TBC1D5: variants seen among roughly 807,000 people sequenced by gnomAD.
TBC1D5 encodes TBC1 domain family member 5.
In TBC1D5, 75 loss-of-function variants were observed where a neutral mutation model predicts 100.3. The ratio of observed to expected loss-of-function variants is 0.75; its 90% confidence interval spans 0.62 to 0.91. The LOEUF (loss-of-function observed/expected upper bound fraction) is 0.91, where lower values mean the gene tolerates loss of function less well. TBC1D5 is among the 40% of genes least tolerant of loss of function. The probability of loss-of-function intolerance (pLI) is 0.00; values close to 1 mark genes in which losing one functional copy is unlikely to be tolerated. For missense variants in TBC1D5, 910 were observed against 942.4 expected (o/e 0.97, Z 0.45); for synonymous variants, 323 against 325.6 (o/e 0.99, Z 0.09).
intron 2 of TBC1D5, among the ~76,000 whole-genome samples, chr3:17,564,470 A>C (rs2096581399): frequency 6.6e-6 from 1 of 152,232 alleles, no homozygotes; most frequent in Non-Finnish European, 1.5e-5. Context: ...TTTATCAAAA[A>C]GACATGTAAA....
intron 3 of TBC1D5, among the ~76,000 whole-genome samples, chr3:17,430,184 CAT>C (rs751392478): frequency 1.7e-4 from 26 of 151,792 alleles, no homozygotes; most frequent in South Asian, 6.2e-4. Flanking sequence ...TCCTACAACA[CAT>C]GTTATTTAAC....
chr3:17,311,560 C>G (rs1021105073), intron 13 of TBC1D5, among the ~76,000 whole-genome samples: 4 of 151,878 alleles, frequency 2.6e-5, no homozygotes, highest in Admixed American at 1.3e-4. Context: ...ACGGAAACAC[C>G]AAGAGAAATT....
chr3:17,649,520 C>T (rs1012623185), intron 1 of TBC1D5, among the ~76,000 whole-genome samples: 42 of 152,052 alleles, frequency 2.8e-4, no homozygotes, highest in Middle Eastern at 3.4e-3. Context: ...GATATTTATG[C>T]GGCGAACAAA....
chr3:17,676,541 AG>A (rs2068660369), intron 1 of TBC1D5, among the ~76,000 whole-genome samples: 1 of 152,228 alleles, frequency 6.6e-6, no homozygotes, highest in Non-Finnish European at 1.5e-5. Context: ...GCTCTTGGAT[AG>A]GAAGAATCAA....
intron 1 of TBC1D5, among the ~76,000 whole-genome samples, chr3:17,644,955 C>T (rs1240664573): frequency 1.3e-5 from 2 of 151,356 alleles, no homozygotes; most frequent in Non-Finnish European, 2.9e-5. Context: ...AAACAAAACA[C>T]TCTTGGTCTA....
chr3:17,360,869 A>G (rs1442742961), intron 13 of TBC1D5, among the ~76,000 whole-genome samples: 1 of 151,970 alleles, frequency 6.6e-6, no homozygotes, highest in African/African-American at 2.4e-5. Flanking sequence ...ATATGACATC[A>G]TTTGTTTTTT....
chr3:17,314,818 G>C (rs2084475843), intron 13 of TBC1D5, among the ~76,000 whole-genome samples: 1 of 152,216 alleles, frequency 6.6e-6, no homozygotes, highest in African/African-American at 2.4e-5. Flanking sequence ...CATGAGGAGA[G>C]AAAAAGCAAA....
intron 3 of TBC1D5, among the ~76,000 whole-genome samples, chr3:17,442,682 T>C (rs1411744542): frequency 3.9e-5 from 6 of 152,120 alleles, no homozygotes; most frequent in African/African-American, 1.4e-4. Flanking sequence ...AATATTAATA[T>C]CAACTACCAC....
At chr3:17,330,097 C>T (rs1241546613) in intron 13 of TBC1D5, among the ~76,000 whole-genome samples, 1 of 152,064 alleles carries the variant, frequency 6.6e-6, no homozygotes, top group Non-Finnish European at 1.5e-5. Flanking sequence ...CTTGCAGTTG[C>T]CCCATCACAT....
intron 3 of TBC1D5, among the ~76,000 whole-genome samples, chr3:17,454,861 T>C (rs950623081): frequency 2.0e-5 from 3 of 152,012 alleles, no homozygotes; most frequent in Non-Finnish European, 4.4e-5. Flanking sequence ...TAAATACTTA[T>C]GAATTAACTT....
chr3:17,732,517 A>C (rs1029565218), intron 1 of TBC1D5, among the ~76,000 whole-genome samples: 2 of 151,918 alleles, frequency 1.3e-5, no homozygotes, highest in Admixed American at 6.6e-5. Flanking sequence ...TCGGGAGTTC[A>C]AGAACAGCCT....
intron 1 of TBC1D5, among the ~76,000 whole-genome samples, chr3:17,717,993 C>CA (rs987738019): frequency 2.6e-5 from 4 of 152,088 alleles, no homozygotes; most frequent in Non-Finnish European, 4.4e-5. Flanking sequence ...GCTGAAATGA[C>CA]AAGAGTGGTT....
At position 17,214,427 on chromosome 3, in the gene TBC1D5, C is replaced by T. The variant is rs2073377133; in HGVS notation, c.1589-57G>A. The T allele has an allele frequency of 2.0e-5, 30 of 1,535,000 alleles. No individual in the cohort carries two copies. In the South Asian group the frequency reaches 2.8e-4, roughly 14 times the overall value. On this transcript the variant is annotated intron_variant, in intron 17 of 21. Coordinates refer to ENST00000253692, the Ensembl canonical transcript of TBC1D5. ...CACCAGACTCTTTCACTAAGCTATT[C>T]GATCTACTGTTTTTAATAAATGATG...
At chr3:17,432,972 C>T (rs1224112775) in intron 3 of TBC1D5, among the ~76,000 whole-genome samples, 1 of 152,096 alleles carries the variant, frequency 6.6e-6, no homozygotes, top group African/African-American at 2.4e-5. Context: ...GCAAAATGAA[C>T]ACTGAATCAA....
chr3:17,603,775 G>A (rs2061157953), intron 2 of TBC1D5, among the ~76,000 whole-genome samples: 1 of 151,986 alleles, frequency 6.6e-6, no homozygotes. Flanking sequence ...AACCTCCCGA[G>A]TAGCTGGGAT....
intron 1 of TBC1D5, among the ~76,000 whole-genome samples, chr3:17,719,803 C>T (rs577657799): frequency 1.3e-5 from 2 of 151,966 alleles, no homozygotes; most frequent in African/African-American, 4.8e-5. Flanking sequence ...TATAAACAAC[C>T]AAAGCTCAAA....
intron 13 of TBC1D5, among the ~76,000 whole-genome samples, chr3:17,371,077 ACACACACACACACACACATG>A (rs1234805749): frequency 2.7e-5 from 4 of 150,644 alleles, no homozygotes; most frequent in African/African-American, 9.9e-5. Flanking sequence ...ATACACACAC[ACACACACACACACACACATG>A]CACACCCACC....
At chr3:17,715,715 T>G (rs2075167784) in intron 1 of TBC1D5, among the ~76,000 whole-genome samples, 1 of 151,690 alleles carries the variant, frequency 6.6e-6, no homozygotes, top group South Asian at 2.1e-4. Flanking sequence ...GGTGGAAAGA[T>G]CGCTTGAGCC....
intron 15 of TBC1D5, among the ~76,000 whole-genome samples, chr3:17,282,688 A>G (rs549362110): frequency 6.6e-6 from 1 of 152,216 alleles, no homozygotes; most frequent in Non-Finnish European, 1.5e-5. Context: ...GACTTTAAAG[A>G]TCTAAATAGA....
Sources: allele counts gnomAD v4.1 joint callset (sites outside exome capture counted in the v4.1 genomes callset), GRCh38; gene constraint gnomAD v4.1.1; transcripts MANE v1.5; gene names NCBI Gene and HGNC (gene_info 2026-07-23, HGNC 2026-07-21).